The following SCAMP4 variants were observed in gnomAD, a reference collection of about 807,000 sequenced individuals.
SCAMP4 encodes the protein secretory carrier membrane protein 4.
In SCAMP4, 19 loss-of-function variants were observed where a neutral mutation model predicts 32.1. The ratio of observed to expected loss-of-function variants is 0.59; its 90% confidence interval spans 0.41 to 0.87. The LOEUF (loss-of-function observed/expected upper bound fraction) is 0.87, where lower values mean the gene tolerates loss of function less well. Ranked by LOEUF, SCAMP4 falls within the 40% of genes least tolerant of loss-of-function variation. SCAMP4 has a pLI of 0.00. For synonymous variants in SCAMP4, 152 were observed against 132.7 expected (o/e 1.15, Z -1.00); for missense variants, 302 against 309.0 (o/e 0.98, Z 0.17).
In SCAMP4 at chr19:1,918,108, C is replaced by T. The variant is rs2013794982; in HGVS notation, c.137-19C>T. On this transcript the variant is annotated intron_variant, in intron 3 of 6. Transcript: ENST00000316097. Reference sequence around the variant, plus strand: ...CACCCTCCCGTGCCTGCTCATCCGTCCTCCCTCTCTCTTCGCAGTTTACTG... The same window carrying T: ...CACCCTCCCGTGCCTGCTCATCCGTTCTCCCTCTCTCTTCGCAGTTTACTG... 2 of 1,600,190 alleles carry T rather than the reference C, an allele frequency of 1.2e-6. No individual in the cohort carries two copies. The highest frequency in any genetic ancestry group is 1.7e-6 in the Non-Finnish European group (2 of 1,171,596).
intron 3 of SCAMP4, 133 bp downstream of exon 3, chr19:1,917,955 C>A (rs947151976): frequency 2.2e-6 from 3 of 1,369,896 alleles, no homozygotes; most frequent in East Asian, 2.3e-5. Flanking sequence ...GTGGTCCCTG[C>A]GGTGAACGAG....
intron 5 of SCAMP4, chr19:1,921,557 C>G: frequency 1.0e-6 from 1 of 985,484 alleles, no homozygotes; most frequent in Non-Finnish European, 1.2e-6. Context: ...CTAGACCTGA[C>G]ACTTGCATGC....
At position 1,918,266 on chromosome 19, in the gene SCAMP4, T is replaced by C. The variant is rs78011816; in HGVS notation, c.276T>C (p.Pro92=). Residue 92 remains proline (P), a synonymous_variant, in exon 4 of 7, where the codon CCT becomes CCC. Transcript: ENST00000316097. ...GCGGCTACGTGTGCTGGTTCCGGCC[T>C]GTCTACAAGGCCTTCCGGTGAGCAG... ...TPCGYVCWFR[P]VYKAFRADSS... 2.2e-4 allele frequency: 347 copies of C among 1,605,484 alleles called. 4 individuals carry two copies. The East Asian group carries it at 6.1e-3, about 28-fold the overall frequency.
rs781549276 is a variant in SCAMP4, at chr19:1,908,780, C to G, written c.-42+3341C>G. ...TCCTGAGTAGCTGGGACTACATGTG[C>G]ACACCACCGTGCCCAACTAATTTAT... On this transcript the variant is annotated intron_variant, in intron 1 of 6. Coordinates refer to ENST00000316097, the MANE Select transcript of SCAMP4 (RefSeq NM_079834.4). This position sits in a 1 kb window ranked among gnomAD's most constrained non-coding sequence, Gnocchi z 4.2. The G allele has an allele frequency of 1.5e-4, 54 of 351,940 alleles. No individual in the cohort carries two copies. Among genetic ancestry groups the G allele is most frequent in the Non-Finnish European group, 2.2e-4 (40 of 179,704 alleles). 21.8% of individuals were successfully genotyped at this position (351,940 alleles called of 1,614,324 possible).
At chr19:1,912,231 T>C (rs771952967) in intron 1 of SCAMP4, 1 of 1,596,206 alleles carries the variant, frequency 6.3e-7, no homozygotes, top group East Asian at 2.3e-5. Flanking sequence ...GGTGCTGGCC[T>C]ACGCCGCGCC....
intron 2 of SCAMP4, 80 bp from the exon 3 acceptor site, chr19:1,917,614 G>A: frequency 6.5e-7 from 1 of 1,547,064 alleles, no homozygotes; most frequent in Non-Finnish European, 8.9e-7. Context: ...AGGCAACCCA[G>A]CCTTGGGTCG....
chr19:1,921,385 C>G (rs1317604063), intron 5 of SCAMP4: 9 of 985,342 alleles, frequency 9.1e-6, no homozygotes, highest in African/African-American at 1.7e-5. Flanking sequence ...CCAGCGGGGC[C>G]TAGCTGTGTA....
chr19:1,923,996 A>T (rs62129460), intron 6 of SCAMP4, 112 bp from the exon 7 acceptor site: 1 of 299,972 alleles, frequency 3.3e-6, no homozygotes, highest in East Asian at 3.5e-5. Context: ...CAGAGCTCAG[A>T]CAGTCTGTCT....
At chr19:1,914,745 G>T (rs532868181) in intron 1 of SCAMP4, among the ~76,000 whole-genome samples, 1 of 152,252 alleles carries the variant, frequency 6.6e-6, no homozygotes, top group African/African-American at 2.4e-5. Flanking sequence ...GGTGGGAGGG[G>T]CTGCGGCCAG....
At chr19:1,916,484 A>G (rs1163919165) in intron 2 of SCAMP4, among the ~76,000 whole-genome samples, 1 of 152,122 alleles carries the variant, frequency 6.6e-6, no homozygotes, top group African/African-American at 2.4e-5. Context: ...GTTTTGAGAC[A>G]GGGTCTGGGT....
At chr19:1,918,668 A>C in intron 4 of SCAMP4, 2 of 671,768 alleles carry the variant, frequency 3.0e-6, no homozygotes, top group Non-Finnish European at 4.7e-6. Flanking sequence ...AGGCTGAGGC[A>C]AGAGAATCGC....
At chr19:1,912,679 T>C in intron 1 of SCAMP4, 1 of 1,446,910 alleles carries the variant, frequency 6.9e-7, no homozygotes, top group African/African-American at 1.5e-5. Context: ...TTGCGGGCCG[T>C]GGGGGCCGTG....
In SCAMP4 at chr19:1,923,615, C is replaced by CTTTTTTTT. The variant is rs35226425; in HGVS notation, c.513+443_513+450dup. ...AGAAACTTTCAGTTACAGCAAAATG[C>CTTTTTTTT]TTTTTTTTTTTTTTTTTTTTTTAGA... is the stretch of plus-strand genomic sequence containing the variant. On this transcript the variant is annotated intron_variant, in intron 6 of 6. Transcript: ENST00000316097. 2.2e-4 allele frequency among the ~76,000 whole-genome samples: 19 copies of CTTTTTTTT among 86,472 alleles called. 1 individual carries two copies. The highest frequency in any genetic ancestry group is 4.1e-4 in the East Asian group (1 of 2,444). 56.7% of individuals were successfully genotyped at this position (86,472 alleles called of 152,430 possible).
At chr19:1,921,197 C>T (rs552697970) in intron 5 of SCAMP4, 2 of 984,936 alleles carry the variant, frequency 2.0e-6, no homozygotes, top group Non-Finnish European at 2.4e-6. Flanking sequence ...GCGGCTTCAC[C>T]AGCGCCACCT....
rs1234010515 is a variant in SCAMP4, at chr19:1,921,123, G to C, written c.396-1947G>C. ...ACTTCATGTCCACCGTTGGCTTAGT[G>C]AGGCCCCACGCTCAGTGCGCTGCTG... On this transcript the variant is annotated intron_variant, in intron 5 of 6. Transcript: ENST00000316097. The C allele has an allele frequency of 1.8e-5, 18 of 985,312 alleles. 1 individual carries two copies. The South Asian group carries it at 6.1e-4, about 33-fold the overall frequency. The allele number at this position is 985,312 out of a possible 1,614,324, so 61.0% of individuals were successfully genotyped here.
intron 2 of SCAMP4, among the ~76,000 whole-genome samples, chr19:1,916,655 C>T (rs2013743332): frequency 1.3e-5 from 2 of 151,872 alleles, no homozygotes; most frequent in South Asian, 4.2e-4. Context: ...GTTGGGGTCT[C>T]GCTAGGTTGC....
At chr19:1,907,666 C>T (rs2013203864) in intron 1 of SCAMP4, among the ~76,000 whole-genome samples, 1 of 152,162 alleles carries the variant, frequency 6.6e-6, no homozygotes, top group Non-Finnish European at 1.5e-5. Flanking sequence ...ACTCACCTGC[C>T]TGGAGCTATG....
chr19:1,908,461 A>G lies in SCAMP4; in HGVS notation c.-42+3022A>G, dbSNP rs1224499621. On this transcript the variant is annotated intron_variant, in intron 1 of 6. Transcript: ENST00000316097. The surrounding 1 kb of genome is among the most constrained non-coding windows in gnomAD (Gnocchi z 4.2). ...GCACCCACAGCTGCGCGGCTGCGAA[A>G]TGATCCAGAGACACATCCCTGTCTG... The G allele has an allele frequency of 2.1e-6, 1 of 470,484 alleles. No individual in the cohort carries two copies. Among genetic ancestry groups the G allele is most frequent in the Non-Finnish European group, 4.4e-6 (1 of 226,838 alleles). The allele number at this position is 470,484 out of a possible 1,614,324, so 29.1% of individuals were successfully genotyped here. A position where few individuals can be genotyped will look rare whatever the true frequency, so the allele number is the denominator to read the frequency against.
intron 1 of SCAMP4, chr19:1,906,386 T>G (rs1355531833): frequency 1.3e-5 from 2 of 152,044 alleles, no homozygotes; most frequent in African/African-American, 2.4e-5. Context: ...AGATTTTTTT[T>G]TAATAAGCCA....
Sources: gnomAD v4.1 joint callset for allele counts (sites outside exome capture counted in the v4.1 genomes callset) on GRCh38, gnomAD v4.1.1 for gene constraint, Gnocchi (gnomAD v3.1) non-coding constraint, MANE v1.5 for transcripts, NCBI Gene and HGNC (gene_info 2026-07-23, HGNC 2026-07-21) for gene names.